The following FAM227B variants were observed in gnomAD, a reference collection of about 807,000 sequenced individuals.
FAM227B encodes the protein family with sequence similarity 227 member B, also known as protein FAM227B.
A neutral mutation model predicts 73.8 loss-of-function variants in FAM227B; 88 were observed. The observed-to-expected ratio is 1.19, with a 90% confidence interval of 1.00 to 1.42. FAM227B has a LOEUF of 1.42. Ranked by LOEUF, FAM227B falls within the 40% of genes most tolerant of loss-of-function variation. FAM227B has a pLI of 0.00. For missense variants in FAM227B, 632 were observed against 590.9 expected (o/e 1.07, Z -0.72); for synonymous variants, 210 against 190.5 (o/e 1.10, Z -0.84).
chr15:49,534,992 C>T (rs1489186468), intron 10 of FAM227B, among the ~76,000 whole-genome samples: 1 of 150,660 alleles, frequency 6.6e-6, no homozygotes, highest in Non-Finnish European at 1.5e-5. Context: ...GAAAAAAAAT[C>T]CCAAATAAAT....
intron 15 of FAM227B, chr15:49,330,758 A>AT (rs1567081713): frequency 6.7e-6 from 1 of 149,302 alleles, no homozygotes; most frequent in East Asian, 1.9e-4. Flanking sequence ...AAAAAAAAAA[A>AT]GAGAGAAAGA....
rs190099781 is a variant in FAM227B at position 49,369,084 on chromosome 15, G to A, written c.1111-1476C>T. Among the ~76,000 whole-genome samples, 370 of 152,064 alleles carry A rather than the reference G, an allele frequency of 2.4e-3. 4 individuals carry two copies. The highest frequency in any genetic ancestry group is 8.6e-3 in the African/African-American group (357 of 41,470). On this transcript the variant is annotated intron_variant, in intron 12 of 15. Coordinates refer to ENST00000299338, the MANE Select transcript of FAM227B (RefSeq NM_152647.3). Reference sequence around the variant, plus strand: ...CGCCATTCTCCTGCCTCAGCCTTCCGAGTAGCTGGGACTACAGGCGTCCAC... The same window carrying A: ...CGCCATTCTCCTGCCTCAGCCTTCCAAGTAGCTGGGACTACAGGCGTCCAC...
intron 9 of FAM227B, among the ~76,000 whole-genome samples, chr15:49,542,670 C>A (rs916829662): frequency 2.6e-5 from 4 of 151,066 alleles, no homozygotes; most frequent in Admixed American, 6.6e-5. Flanking sequence ...GCCATTATTT[C>A]ATTCCTTCTA....
intron 13 of FAM227B, among the ~76,000 whole-genome samples, chr15:49,362,944 A>C (rs2044506167): frequency 6.6e-6 from 1 of 151,958 alleles, no homozygotes; most frequent in African/African-American, 2.4e-5. Flanking sequence ...GGTGTGCAGC[A>C]TTATTTCTGA....
intron 5 of FAM227B, among the ~76,000 whole-genome samples, chr15:49,584,826 C>T (rs1394847119): frequency 6.6e-6 from 1 of 151,930 alleles, no homozygotes; most frequent in Non-Finnish European, 1.5e-5. Context: ...TCTACAAGAA[C>T]TACAAAACAC....
At chr15:49,534,141 C>CTT (rs2060829455) in intron 10 of FAM227B, among the ~76,000 whole-genome samples, 1 of 151,740 alleles carries the variant, frequency 6.6e-6, no homozygotes. Flanking sequence ...TAATCATTTC[C>CTT]CATGAGAACC....
intron 10 of FAM227B, among the ~76,000 whole-genome samples, chr15:49,516,421 C>T (rs1339322514): frequency 6.6e-6 from 1 of 151,930 alleles, no homozygotes; most frequent in African/African-American, 2.4e-5. Context: ...AGGCTTGCAT[C>T]CCCTCTCTGC....
At chr15:49,384,966 C>G (rs1024269366) in intron 11 of FAM227B, among the ~76,000 whole-genome samples, 2 of 151,844 alleles carry the variant, frequency 1.3e-5, no homozygotes, top group Non-Finnish European at 2.9e-5. Flanking sequence ...CCATGAAAAA[C>G]ATTTCAATTA....
At chr15:49,559,834 C>T (rs8029743) in intron 9 of FAM227B, among the ~76,000 whole-genome samples, 1 of 151,856 alleles carries the variant, frequency 6.6e-6, no homozygotes, top group East Asian at 1.9e-4. Context: ...ACTCAGGAGG[C>T]TGAGGCAGGA....
At chr15:49,608,394 G>A (rs1421797617) in intron 3 of FAM227B, among the ~76,000 whole-genome samples, 3 of 152,014 alleles carry the variant, frequency 2.0e-5, no homozygotes, top group African/African-American at 7.2e-5. Flanking sequence ...ACAGACAAAA[G>A]GGCTCTCGTG....
chr15:49,392,286 G>A (rs1310077904), intron 11 of FAM227B, among the ~76,000 whole-genome samples: 2 of 152,062 alleles, frequency 1.3e-5, no homozygotes, highest in East Asian at 3.9e-4. Context: ...TTAGTACCTT[G>A]GAGAAGGATT....
intron 9 of FAM227B, among the ~76,000 whole-genome samples, chr15:49,544,036 AT>A (rs1412653335): frequency 3.3e-5 from 5 of 151,992 alleles, no homozygotes; most frequent in Admixed American, 6.6e-5. Flanking sequence ...CAGAAAGATG[AT>A]GTTACTTTTA....
At position 49,331,848 on chromosome 15, in the gene FAM227B, G is replaced by A. The variant is rs958400242; in HGVS notation, c.1351C>T (p.Leu451Phe). Reference sequence around the variant, plus strand: ...GGTTTCTTGGTAGCCTTTGCTTGGAGTCTAATCATGGAATAAAGAAAATCA... The same window carrying A: ...GGTTTCTTGGTAGCCTTTGCTTGGAATCTAATCATGGAATAAAGAAAATCA... ...FARNQKDFRI[L>F]QAKATKKPHE... Residue 451 changes from leucine to phenylalanine, a missense_variant and splice_region_variant, in exon 15 of 16, where the codon CTC becomes TTC. Leu to Phe is a conservative substitution (Grantham distance 22). Transcript: ENST00000299338. 1.3e-6 allele frequency: 2 copies of A among 1,599,056 alleles called. No homozygotes were observed. The highest frequency in any genetic ancestry group is 2.2e-5 in the East Asian group (1 of 44,788).
At chr15:49,461,159 C>T (rs923943791) in intron 11 of FAM227B, among the ~76,000 whole-genome samples, 2 of 152,142 alleles carry the variant, frequency 1.3e-5, no homozygotes, top group Non-Finnish European at 2.9e-5. Context: ...AAGTCCTCCT[C>T]GACTAGACTA....
chr15:49,411,005 T>TG (rs551054725), intron 11 of FAM227B, among the ~76,000 whole-genome samples: 820 of 26,780 alleles, frequency 0.031, 12 homozygotes, highest in African/African-American at 0.099. Flanking sequence ...TATCTGTGTG[T>TG]GGGGGGGGTG....
intron 11 of FAM227B, among the ~76,000 whole-genome samples, chr15:49,383,038 G>A (rs1008310011): frequency 1.3e-5 from 2 of 151,776 alleles, no homozygotes; most frequent in East Asian, 1.9e-4. Flanking sequence ...TTGTGCTGTC[G>A]TGCATAAACA....
rs546780314 is a variant in FAM227B at position 49,397,696 on chromosome 15, A to G, written c.1013-26297T>C. On this transcript the variant is annotated intron_variant, in intron 11 of 15. Transcript: ENST00000299338. ...AGAAGAGAGTGGGGGCCAATATTCA[A>G]AATTTTAAAGAAAAGAATTTTCAAC... Among the ~76,000 whole-genome samples, 153 of 152,302 alleles carry G rather than the reference A, an allele frequency of 1.0e-3. 5 individuals are homozygous for G. In the South Asian group the frequency reaches 0.028, roughly 28 times the overall value.
At chr15:49,618,702 C>T (rs371034471) in intron 1 of FAM227B, among the ~76,000 whole-genome samples, 3 of 152,260 alleles carry the variant, frequency 2.0e-5, no homozygotes, top group African/African-American at 7.2e-5. Context: ...TTATCACTGC[C>T]TTCCACAGGA....
chr15:49,610,900 T>C (rs1431094679), intron 3 of FAM227B, among the ~76,000 whole-genome samples: 2 of 152,166 alleles, frequency 1.3e-5, no homozygotes, highest in African/African-American at 4.8e-5. Flanking sequence ...ATAAATGAGA[T>C]AAGTAAGCAT....
Sources: allele counts gnomAD v4.1 joint callset (sites outside exome capture counted in the v4.1 genomes callset), GRCh38; gene constraint gnomAD v4.1.1; transcripts MANE v1.5; gene names NCBI Gene and HGNC (gene_info 2026-07-23, HGNC 2026-07-21).